CDK14: variants seen among roughly 807,000 people sequenced by gnomAD.
The protein encoded by CDK14 is cyclin-dependent kinase 14.
CDK14 carries 34 observed loss-of-function variants against 60.7 expected under a neutral mutation model. The observed-to-expected ratio is 0.56, with a 90% CI of 0.43 to 0.75. CDK14 has a LOEUF of 0.75. CDK14 is among the 30% of genes least tolerant of loss of function. The probability of loss-of-function intolerance (pLI) is 0.00; values close to 1 mark genes in which losing one functional copy is unlikely to be tolerated. For missense variants in CDK14, 482 were observed against 564.1 expected (o/e 0.85, Z 1.47); for synonymous variants, 197 against 203.7 (o/e 0.97, Z 0.28).
At chr7:90,775,959 A>T (rs1028928572) in intron 4 of CDK14, among the ~76,000 whole-genome samples, 1 of 152,116 alleles carries the variant, frequency 6.6e-6, no homozygotes, top group African/African-American at 2.4e-5. Flanking sequence ...CTCATAGAGA[A>T]CTAATTAACA....
chr7:90,668,843 G>A (rs1801043763), intron 2 of CDK14, among the ~76,000 whole-genome samples: 1 of 150,778 alleles, frequency 6.6e-6, no homozygotes, highest in Non-Finnish European at 1.5e-5. Context: ...TGAGTAGCTA[G>A]GACCACAGAT....
intron 14 of CDK14, among the ~76,000 whole-genome samples, chr7:91,146,481 G>A (rs753358345): frequency 3.6e-4 from 55 of 152,250 alleles, no homozygotes; most frequent in Non-Finnish European, 6.5e-4. Context: ...GTTCACAGGC[G>A]TGAGCCACCG....
At chr7:90,875,573 G>A (rs917168552) in intron 6 of CDK14, among the ~76,000 whole-genome samples, 3 of 151,896 alleles carry the variant, frequency 2.0e-5, no homozygotes, top group Non-Finnish European at 4.4e-5. Flanking sequence ...CTGATAGTGA[G>A]TTTGTCTTGT....
chr7:91,146,179 A>T (rs145540722), intron 14 of CDK14, among the ~76,000 whole-genome samples: 182 of 152,244 alleles, frequency 1.2e-3, no homozygotes, highest in African/African-American at 4.2e-3. Flanking sequence ...TAGCTATACA[A>T]TCTGGGGTTC....
At chr7:91,042,930 C>T (rs1307167063) in intron 10 of CDK14, among the ~76,000 whole-genome samples, 4 of 152,166 alleles carry the variant, frequency 2.6e-5, no homozygotes, top group Non-Finnish European at 5.9e-5. Flanking sequence ...TAAACCCAAA[C>T]AATTTTTTCC....
intron 10 of CDK14, among the ~76,000 whole-genome samples, chr7:90,998,154 A>G (rs1017881395): frequency 6.6e-5 from 10 of 152,236 alleles, no homozygotes; most frequent in Non-Finnish European, 1.5e-4. Flanking sequence ...CTTGAATGAC[A>G]TTTTAACCAC....
intron 12 of CDK14, among the ~76,000 whole-genome samples, chr7:91,086,921 CTATTCGCTTTTAGCG>C (rs1248929268): frequency 6.6e-6 from 1 of 152,134 alleles, no homozygotes; most frequent in Non-Finnish European, 1.5e-5. Flanking sequence ...GAGAAAAACA[CTATTCGCTTTTAGCG>C]TTTTTGTTTT....
At position 90,723,957 on chromosome 7, in the gene CDK14, G is replaced by A. The variant is rs180879551; in HGVS notation, c.124-2610G>A. ...TGACACTGGCCTTATAAAATGAATT[G>A]GGAAGTATATCCTCTTCATCAGTAT... On this transcript the variant is annotated intron_variant, in intron 2 of 14. Coordinates refer to ENST00000380050, the MANE Select transcript of CDK14 (RefSeq NM_001287135.2). 4.0e-3 allele frequency among the ~76,000 whole-genome samples: 615 copies of A among 152,188 alleles called. 3 individuals carry two copies. The highest frequency in any genetic ancestry group is 4.9e-3 in the Non-Finnish European group (335 of 67,998).
intron 10 of CDK14, among the ~76,000 whole-genome samples, chr7:91,011,333 C>A (rs1562867566): frequency 6.6e-6 from 1 of 152,086 alleles, no homozygotes; most frequent in Non-Finnish European, 1.5e-5. Context: ...CCATTCTGTG[C>A]TGGCTAAATA....
intron 6 of CDK14, among the ~76,000 whole-genome samples, chr7:90,879,185 A>G (rs1344150926): frequency 6.6e-6 from 1 of 152,302 alleles, no homozygotes; most frequent in Admixed American, 6.5e-5. Flanking sequence ...GCTACCATGT[A>G]TTATCCTTGA....
intron 14 of CDK14, among the ~76,000 whole-genome samples, chr7:91,132,493 G>C (rs1338690270): frequency 1.3e-5 from 2 of 152,120 alleles, no homozygotes; most frequent in Non-Finnish European, 2.9e-5. Context: ...TGCCCATAGA[G>C]AATATGTATG....
chr7:91,111,023 C>G (rs895007679), intron 12 of CDK14, among the ~76,000 whole-genome samples: 2 of 152,142 alleles, frequency 1.3e-5, no homozygotes, highest in African/African-American at 4.8e-5. Flanking sequence ...CTTTCGTTCC[C>G]TGTGGACAAA....
chr7:90,705,660 C>T (rs1801881649), intron 2 of CDK14, among the ~76,000 whole-genome samples: 1 of 149,024 alleles, frequency 6.7e-6, no homozygotes, highest in African/African-American at 2.5e-5. Flanking sequence ...ATCTAGTTGC[C>T]CAATACGGGG....
At chr7:90,959,499 T>G (rs909299725) in intron 9 of CDK14, among the ~76,000 whole-genome samples, 4 of 152,132 alleles carry the variant, frequency 2.6e-5, no homozygotes, top group African/African-American at 9.7e-5. Flanking sequence ...GAGTCATGGC[T>G]CAGCTGCAGC....
At chr7:90,957,555 A>G (rs1794467404) in intron 9 of CDK14, among the ~76,000 whole-genome samples, 1 of 151,866 alleles carries the variant, frequency 6.6e-6, no homozygotes, top group Non-Finnish European at 1.5e-5. Flanking sequence ...TTATACACCA[A>G]CAACAGACAA....
chr7:90,640,652 A>G (rs1800303766), intron 2 of CDK14, among the ~76,000 whole-genome samples: 1 of 152,128 alleles, frequency 6.6e-6, no homozygotes, highest in Admixed American at 6.5e-5. Context: ...CATTTAAAAG[A>G]ATAATATTAA....
At chr7:90,910,451 T>C (rs908486127) in intron 7 of CDK14, among the ~76,000 whole-genome samples, 9 of 152,304 alleles carry the variant, frequency 5.9e-5, no homozygotes, top group African/African-American at 2.2e-4. Context: ...TAACTAATTA[T>C]TTTTAACTTC....
intron 5 of CDK14, among the ~76,000 whole-genome samples, chr7:90,842,566 C>T (rs1196759501): frequency 6.6e-6 from 1 of 152,118 alleles, no homozygotes; most frequent in Non-Finnish European, 1.5e-5. Context: ...TCAGAAGAAC[C>T]AGAGTGTGTC....
chr7:90,671,213 G>A (rs1042470536), intron 2 of CDK14, among the ~76,000 whole-genome samples: 17 of 152,026 alleles, frequency 1.1e-4, no homozygotes, highest in Admixed American at 8.5e-4. Context: ...TATTTCCAGC[G>A]TTCAGGATTT....
Sources: gnomAD v4.1 joint callset for allele counts (sites outside exome capture counted in the v4.1 genomes callset) on GRCh38, gnomAD v4.1.1 for gene constraint, MANE v1.5 for transcripts, NCBI Gene and HGNC (gene_info 2026-07-23, HGNC 2026-07-21) for gene names.